Variants in GABRB1 observed in about 807,000 individuals in gnomAD.
GABRB1 encodes gamma-aminobutyric acid receptor subunit beta-1.
Under a neutral mutation model 51.6 loss-of-function variants are expected in GABRB1, and 17 were observed. The ratio of observed to expected loss-of-function variants is 0.33; its 90% CI spans 0.23 to 0.49. The LOEUF is 0.49. Among genes scored for constraint, GABRB1 ranks in the 20% least tolerant of loss-of-function variants. The pLI is 0.99. For synonymous variants in GABRB1, 247 were observed against 218.9 expected, an observed-to-expected ratio of 1.13 and a Z score of -1.14; for missense variants, 410 against 600.6, an observed-to-expected ratio of 0.68 and a Z score of 3.32.
At chr4:47,195,421 T>C (rs1458778789) in intron 4 of GABRB1, among the ~76,000 whole-genome samples, 7 of 60,808 alleles carry the variant, frequency 1.2e-4, no homozygotes, top group African/African-American at 4.6e-4. Context: ...GATAGATAGA[T>C]AGATAGATAG....
At chr4:47,115,551 A>T (rs1414394664) in intron 3 of GABRB1, among the ~76,000 whole-genome samples, 1 of 152,066 alleles carries the variant, frequency 6.6e-6, no homozygotes, top group Non-Finnish European at 1.5e-5. Context: ...TATTCAACTT[A>T]TCTTTAAATC....
chr4:47,295,691 A>G (rs1463623225), intron 4 of GABRB1, among the ~76,000 whole-genome samples: 1 of 152,236 alleles, frequency 6.6e-6, no homozygotes, highest in South Asian at 2.1e-4. Flanking sequence ...TTTGCAGGAT[A>G]TTATCCAGGA....
chr4:47,090,285 C>A (rs1178974424), intron 3 of GABRB1, among the ~76,000 whole-genome samples: 3 of 152,152 alleles, frequency 2.0e-5, no homozygotes, highest in Non-Finnish European at 4.4e-5. Context: ...GCTTTTCTTA[C>A]AATAGGATTC....
intron 4 of GABRB1, among the ~76,000 whole-genome samples, chr4:47,298,453 C>T (rs1427933000): frequency 2.0e-5 from 3 of 152,096 alleles, no homozygotes; most frequent in Non-Finnish European, 4.4e-5. Flanking sequence ...AACAGACAAA[C>T]AGAGAGCCAA....
chr4:47,193,540 G>A (rs1719528890), intron 4 of GABRB1, among the ~76,000 whole-genome samples: 2 of 152,168 alleles, frequency 1.3e-5, no homozygotes, highest in Admixed American at 1.3e-4. Context: ...TTTGTAAAAT[G>A]GAATAACACC....
chr4:47,133,858 C>A (rs888028127), intron 3 of GABRB1, among the ~76,000 whole-genome samples: 2 of 152,134 alleles, frequency 1.3e-5, no homozygotes, highest in African/African-American at 2.4e-5. Context: ...TATAATTTTT[C>A]TTTCTGCGAT....
At chr4:47,340,373 C>T (rs4695218) in intron 5 of GABRB1, among the ~76,000 whole-genome samples, 1 of 150,090 alleles carries the variant, frequency 6.7e-6, no homozygotes, top group African/African-American at 2.4e-5. Context: ...AATGGCCTTT[C>T]CTCCACCATG....
chr4:47,047,923 G>T (rs1190930303), intron 3 of GABRB1, among the ~76,000 whole-genome samples: 1 of 152,106 alleles, frequency 6.6e-6, no homozygotes, highest in Non-Finnish European at 1.5e-5. Flanking sequence ...GGAGTGAGAA[G>T]ATGCTGGAAG....
At chr4:47,417,362 C>T (rs1728961744) in intron 8 of GABRB1, among the ~76,000 whole-genome samples, 1 of 151,838 alleles carries the variant, frequency 6.6e-6, no homozygotes. Flanking sequence ...TGTTCCTTCT[C>T]AAAATGATAA....
At chr4:47,012,689 A>G (rs1724617676) in intron 1 of GABRB1, among the ~76,000 whole-genome samples, 2 of 152,324 alleles carry the variant, frequency 1.3e-5, no homozygotes, top group South Asian at 4.1e-4. Flanking sequence ...CTTGTCTCCA[A>G]GTGTTGACAC....
intron 5 of GABRB1, among the ~76,000 whole-genome samples, chr4:47,395,928 G>A (rs1158326200): frequency 6.6e-6 from 1 of 151,900 alleles, no homozygotes; most frequent in Non-Finnish European, 1.5e-5. Context: ...TTAATTGAAA[G>A]TGGATTTTTG....
chr4:47,389,640 C>T (rs1398089263), intron 5 of GABRB1, among the ~76,000 whole-genome samples: 1 of 152,122 alleles, frequency 6.6e-6, no homozygotes. Context: ...CTTGGGGTGT[C>T]ATGGAGATAC....
chr4:47,028,924 C>T (rs1725192438), upstream of GABRB1, among the ~76,000 whole-genome samples: 1 of 149,936 alleles, frequency 6.7e-6, no homozygotes, highest in Non-Finnish European at 1.5e-5. Flanking sequence ...GGGTTTTACA[C>T]TTAAATATTT....
At chr4:47,270,946 A>C (rs187691477) in intron 4 of GABRB1, among the ~76,000 whole-genome samples, 1 of 152,318 alleles carries the variant, frequency 6.6e-6, no homozygotes, top group East Asian at 1.9e-4. Flanking sequence ...AGTTTGTGCT[A>C]TTAGTATAAA....
At chr4:47,286,223 T>C (rs1723504375) in intron 4 of GABRB1, among the ~76,000 whole-genome samples, 1 of 152,204 alleles carries the variant, frequency 6.6e-6, no homozygotes, top group Admixed American at 6.5e-5. Context: ...CACAGACTAA[T>C]AAACATGTTA....
chr4:47,016,122 G>A (rs1358317335), intron 1 of GABRB1, among the ~76,000 whole-genome samples: 2 of 152,066 alleles, frequency 1.3e-5, no homozygotes, highest in African/African-American at 4.8e-5. Context: ...ATTAAACACT[G>A]GGTATGTGGT....
At chr4:47,358,965 G>T (rs1276125309) in intron 5 of GABRB1, among the ~76,000 whole-genome samples, 1 of 152,060 alleles carries the variant, frequency 6.6e-6, no homozygotes, top group Non-Finnish European at 1.5e-5. Context: ...GGAAGCCAAG[G>T]TCTCCTGTAT....
At chr4:47,200,319 CTGTG>C (rs1719849427) in intron 4 of GABRB1, among the ~76,000 whole-genome samples, 1 of 152,120 alleles carries the variant, frequency 6.6e-6, no homozygotes, top group Non-Finnish European at 1.5e-5. Context: ...ATGACCCTAG[CTGTG>C]AGTGGCTGAG....
chr4:47,306,378 C>G (rs959117277), intron 4 of GABRB1, among the ~76,000 whole-genome samples: 8 of 144,484 alleles, frequency 5.5e-5, no homozygotes, highest in African/African-American at 2.1e-4. Context: ...GAAGAAGGTG[C>G]GGGGTAGAGA....
Sources: gnomAD v4.1 joint callset for allele counts (sites outside exome capture counted in the v4.1 genomes callset) on GRCh38, gnomAD v4.1.1 for gene constraint, MANE v1.5 for transcripts, NCBI Gene and HGNC (gene_info 2026-07-23, HGNC 2026-07-21) for gene names.